NRG1: variants seen among roughly 807,000 people sequenced by gnomAD.
The protein encoded by NRG1 is neuregulin 1, also known as pro-neuregulin-1, membrane-bound isoform.
Under a neutral mutation model 63.8 loss-of-function variants are expected in NRG1, and 18 were observed. That is an observed-to-expected ratio of 0.28 (90% CI 0.19 to 0.42). The LOEUF (loss-of-function observed/expected upper bound fraction) is 0.42, where lower values mean the gene tolerates loss of function less well. Among genes scored for constraint, NRG1 ranks in the 10% least tolerant of loss-of-function variants. NRG1 has a pLI of 1.00. For synonymous variants in NRG1, 302 were observed against 301.3 expected (o/e 1.00, Z -0.02); for missense variants, 762 against 814.7 (o/e 0.94, Z 0.79).
At chr8:31,910,807 C>T (rs1832877676) in intron 1 of NRG1, among the ~76,000 whole-genome samples, 1 of 152,066 alleles carries the variant, frequency 6.6e-6, no homozygotes, top group South Asian at 2.1e-4. Flanking sequence ...GAAGGAAAGT[C>T]AGCAATGTGA....
intron 1 of NRG1, among the ~76,000 whole-genome samples, chr8:32,457,919 T>C (rs1308198625): frequency 1.3e-5 from 2 of 151,418 alleles, no homozygotes; most frequent in Admixed American, 6.6e-5. Flanking sequence ...AAAGCAACTT[T>C]TTTTTTTTTG....
chr8:32,317,514 G>A (rs184234359), intron 1 of NRG1, among the ~76,000 whole-genome samples: 1 of 152,328 alleles, frequency 6.6e-6, no homozygotes. Flanking sequence ...CCTGAGAGCT[G>A]TAATCTTCTC....
chr8:32,508,200 G>A (rs1828761522), intron 1 of NRG1, among the ~76,000 whole-genome samples: 1 of 152,196 alleles, frequency 6.6e-6, no homozygotes, highest in Admixed American at 6.5e-5. Flanking sequence ...AAGCCCAGGA[G>A]TTTGAGGTCA....
At chr8:32,576,283 G>T (rs1298905012) in intron 1 of NRG1, among the ~76,000 whole-genome samples, 1 of 152,134 alleles carries the variant, frequency 6.6e-6, no homozygotes, top group East Asian at 1.9e-4. Context: ...TAGCTCAGGA[G>T]AAACTTTTTG....
At chr8:31,943,170 T>A (rs528861879) in intron 1 of NRG1, among the ~76,000 whole-genome samples, 1 of 152,158 alleles carries the variant, frequency 6.6e-6, no homozygotes, top group South Asian at 2.1e-4. Flanking sequence ...AAAATATTTA[T>A]ATGTACACAC....
At chr8:31,784,276 A>G (rs1169518332) in intron 1 of NRG1, among the ~76,000 whole-genome samples, 2 of 152,356 alleles carry the variant, frequency 1.3e-5, no homozygotes, top group South Asian at 2.1e-4. Context: ...ATTTTTCAGA[A>G]TAAACACTCA....
chr8:32,351,176 C>G (rs902447000), intron 1 of NRG1, among the ~76,000 whole-genome samples: 3 of 151,264 alleles, frequency 2.0e-5, no homozygotes, highest in African/African-American at 7.3e-5. Flanking sequence ...CCCTGCACTT[C>G]TCACTTTCAC....
chr8:32,016,533 CCTG>C (rs1351910564), intron 1 of NRG1, among the ~76,000 whole-genome samples: 6 of 151,996 alleles, frequency 3.9e-5, no homozygotes, highest in Admixed American at 1.3e-4. Flanking sequence ...CAAGAGATTG[CCTG>C]AATTATTTTT....
At chr8:32,356,630 T>A (rs1001361634) in intron 1 of NRG1, among the ~76,000 whole-genome samples, 1 of 152,182 alleles carries the variant, frequency 6.6e-6, no homozygotes, top group Non-Finnish European at 1.5e-5. Flanking sequence ...AATGGGAAGA[T>A]AAAACTAAAT....
At chr8:31,924,321 A>C (rs1378154803) in intron 1 of NRG1, among the ~76,000 whole-genome samples, 1 of 150,904 alleles carries the variant, frequency 6.6e-6, no homozygotes, top group African/African-American at 2.5e-5. Flanking sequence ...ACTGAACTCC[A>C]GCCTGGGCAA....
chr8:32,516,272 T>C (rs1829817108), intron 1 of NRG1, among the ~76,000 whole-genome samples: 1 of 151,798 alleles, frequency 6.6e-6, no homozygotes, highest in African/African-American at 2.4e-5. Flanking sequence ...TATGTGTCTG[T>C]TTTTGTATCA....
At chr8:32,300,791 G>T (rs1368819829) in intron 1 of NRG1, among the ~76,000 whole-genome samples, 1 of 152,174 alleles carries the variant, frequency 6.6e-6, no homozygotes, top group Non-Finnish European at 1.5e-5. Context: ...TTGACAGCCA[G>T]TATATGTTGT....
At chr8:31,917,743 A>C (rs1833528803) in intron 1 of NRG1, among the ~76,000 whole-genome samples, 1 of 152,166 alleles carries the variant, frequency 6.6e-6, no homozygotes. Context: ...TTCTGTGAAG[A>C]AAGTCATTGG....
chr8:31,642,293 G>C (rs1803872826), intron 1 of NRG1, among the ~76,000 whole-genome samples: 1 of 152,188 alleles, frequency 6.6e-6, no homozygotes, highest in Non-Finnish European at 1.5e-5. Flanking sequence ...GTTTTATAGT[G>C]TGTAATTCAG....
intron 1 of NRG1, among the ~76,000 whole-genome samples, chr8:32,380,940 A>G (rs1291885901): frequency 6.6e-6 from 1 of 152,146 alleles, no homozygotes; most frequent in Non-Finnish European, 1.5e-5. Context: ...TTTTCCAGCT[A>G]TGTTGAAATG....
intron 1 of NRG1, among the ~76,000 whole-genome samples, chr8:32,167,387 A>G (rs535866679): frequency 1.3e-5 from 2 of 152,308 alleles, no homozygotes; most frequent in East Asian, 3.9e-4. Flanking sequence ...TGCTTAGCAT[A>G]TTGCAGGCAC....
chr8:31,704,433 T>C (rs900159887), intron 1 of NRG1, among the ~76,000 whole-genome samples: 7 of 152,222 alleles, frequency 4.6e-5, no homozygotes, highest in Non-Finnish European at 5.9e-5. Context: ...ACCCAGGCTA[T>C]GCCTTTCTAG....
chr8:32,656,855 GTAAAATATTT>G (rs1801617855), intron 5 of NRG1, among the ~76,000 whole-genome samples: 1 of 47,384 alleles, frequency 2.1e-5, no homozygotes, highest in Admixed American at 2.1e-4. Flanking sequence ...GCTTCCTCAG[GTAAAATATTT>G]TAAATTTTTC....
At chr8:32,484,332 A>G (rs923305102) in intron 1 of NRG1, among the ~76,000 whole-genome samples, 1 of 152,184 alleles carries the variant, frequency 6.6e-6, no homozygotes, top group African/African-American at 2.4e-5. Context: ...CAATGACAAG[A>G]TACATTTTGA....
Sources: allele counts gnomAD v4.1 joint callset (sites outside exome capture counted in the v4.1 genomes callset), GRCh38; gene constraint gnomAD v4.1.1; transcripts MANE v1.5; gene names NCBI Gene and HGNC (gene_info 2026-07-23, HGNC 2026-07-21).